The following PSD2 variants were observed in gnomAD, a reference collection of about 807,000 sequenced individuals.
The protein encoded by PSD2 is PH and SEC7 domain-containing protein 2.
Under a neutral mutation model 69.8 loss-of-function variants are expected in PSD2, and 38 were observed. The ratio of observed to expected loss-of-function variants is 0.54; its 90% CI spans 0.42 to 0.71. The LOEUF (loss-of-function observed/expected upper bound fraction) is 0.71, where lower values mean the gene tolerates loss of function less well. Ranked by LOEUF, PSD2 falls within the 30% of genes least tolerant of loss-of-function variation. PSD2 has a pLI of 0.00. For synonymous variants in PSD2, 412 were observed against 423.0 expected, an observed-to-expected ratio of 0.97 and a Z score of 0.32; for missense variants, 943 against 1,014.5, an observed-to-expected ratio of 0.93 and a Z score of 0.96.
chr5:139,780,480 A>G, the PSD2 span, among the ~76,000 whole-genome samples: 4 of 151,870 alleles, frequency 2.6e-5, no homozygotes, highest in Non-Finnish European at 4.4e-5. Context: ...GTCTCGCTCT[A>G]TTGCCCAGGC....
chr5:139,828,250 C>A (rs113236067), intron 7 of PSD2, among the ~76,000 whole-genome samples: 1 of 145,696 alleles, frequency 6.9e-6, no homozygotes, highest in African/African-American at 2.6e-5. Flanking sequence ...CTGGGGTAAG[C>A]GGGGGAGAAC....
intron 1 of PSD2, among the ~76,000 whole-genome samples, chr5:139,799,958 G>A (rs1441073954): frequency 6.6e-6 from 1 of 152,140 alleles, no homozygotes; most frequent in Non-Finnish European, 1.5e-5. Flanking sequence ...TGGTGTGTGG[G>A]AAGCTCATTT....
chr5:139,788,576 A>T, the PSD2 span, among the ~76,000 whole-genome samples: 4 of 152,190 alleles, frequency 2.6e-5, no homozygotes, highest in Non-Finnish European at 5.9e-5. Flanking sequence ...CTGGACGGCC[A>T]GCTGGACCTC....
chr5:139,807,048 C>T (rs958391416), intron 1 of PSD2, among the ~76,000 whole-genome samples: 5 of 152,168 alleles, frequency 3.3e-5, no homozygotes, highest in African/African-American at 1.2e-4. Flanking sequence ...GGAGGGGCTC[C>T]CAAGAGGTCC....
the PSD2 span, among the ~76,000 whole-genome samples, chr5:139,751,489 C>A: frequency 6.6e-6 from 1 of 152,180 alleles, no homozygotes. Flanking sequence ...TCAAGTGTGA[C>A]CAACTGGGAA....
chr5:139,835,601 A>C, intron 8 of PSD2, 122 bp from the exon 9 acceptor site: 1 of 940,332 alleles, frequency 1.1e-6, no homozygotes, highest in Non-Finnish European at 1.7e-6. Flanking sequence ...TATGAATCAA[A>C]CACCCACTTT....
At chr5:139,801,204 CA>C (rs56715764) in intron 1 of PSD2, among the ~76,000 whole-genome samples, 37,644 of 126,868 alleles carry the variant, frequency 0.3, 5,086 homozygotes, top group African/African-American at 0.41. Flanking sequence ...GACTCCATCT[CA>C]AAAAAAAAAA....
chr5:139,759,793 A>G, the PSD2 span, among the ~76,000 whole-genome samples: 6 of 152,224 alleles, frequency 3.9e-5, no homozygotes, highest in East Asian at 1.2e-3. Context: ...CTGTGTGCCC[A>G]TGGGTGGGGA....
At chr5:139,811,873 G>A (rs1384597793) in intron 2 of PSD2, among the ~76,000 whole-genome samples, 23 of 151,988 alleles carry the variant, frequency 1.5e-4, no homozygotes, top group Admixed American at 1.3e-3. Context: ...GATTACAGCC[G>A]TGAGCCACCG....
intron 1 of PSD2, among the ~76,000 whole-genome samples, chr5:139,797,241 G>C (rs1261441675): frequency 2.0e-5 from 3 of 152,234 alleles, no homozygotes. Flanking sequence ...GGGAAGCAGG[G>C]AACAGGGGCT....
the PSD2 span, among the ~76,000 whole-genome samples, chr5:139,788,140 C>T: frequency 2.0e-4 from 31 of 152,100 alleles, no homozygotes; most frequent in East Asian, 1.4e-3. Context: ...AATTCTGCGT[C>T]TGGCCAGCAG....
At chr5:139,768,552 C>T in the PSD2 span, among the ~76,000 whole-genome samples, 2 of 151,934 alleles carry the variant, frequency 1.3e-5, no homozygotes, top group Non-Finnish European at 1.5e-5. Flanking sequence ...GAGAAACCCC[C>T]GTCTCTACTA....
At chr5:139,780,797 T>C in the PSD2 span, among the ~76,000 whole-genome samples, 1 of 152,194 alleles carries the variant, frequency 6.6e-6, no homozygotes, top group Non-Finnish European at 1.5e-5. Context: ...GCCAGTCCTG[T>C]TAATGATGAG....
At position 139,814,307 on chromosome 5, in the gene PSD2, G is replaced by A. The variant is rs751880282; in HGVS notation, c.959G>A (p.Arg320His). 53 of 1,613,024 alleles carry A rather than the reference G, an allele frequency of 3.3e-5. No homozygotes were observed. The Middle Eastern group carries it at 5.0e-4, about 15-fold the overall frequency. ...VSEAAHRLAR[R>H]LYHLEGFQRC... ...GAAGCTGCTCATCGGCTGGCACGCCGTCTCTACCACCTCGAGGGCTTCCAG... is the reference window on the plus strand; with the variant it reads ...GAAGCTGCTCATCGGCTGGCACGCCATCTCTACCACCTCGAGGGCTTCCAG... Residue 320 changes from arginine to histidine, a missense_variant, in exon 4 of 15, where the codon CGT (arginine) becomes CAT (histidine). By Grantham distance (29) the Arg-to-His change is conservative (BLOSUM62 0). Coordinates refer to ENST00000274710, the MANE Select transcript of PSD2 (RefSeq NM_032289.4). The surrounding 1 kb of genome is among the most constrained non-coding windows in gnomAD (Gnocchi z 4.4).
At chr5:139,811,355 G>A (rs1759955576) in intron 2 of PSD2, among the ~76,000 whole-genome samples, 1 of 152,190 alleles carries the variant, frequency 6.6e-6, no homozygotes, top group Non-Finnish European at 1.5e-5. Flanking sequence ...AGATGTTCGA[G>A]GGGAAGGGGC....
intron 1 of PSD2, among the ~76,000 whole-genome samples, chr5:139,800,178 A>G (rs1475038122): frequency 6.6e-6 from 1 of 152,114 alleles, no homozygotes; most frequent in Non-Finnish European, 1.5e-5. Flanking sequence ...CAATTCCCTT[A>G]CCTCATTTTG....
the PSD2 span, among the ~76,000 whole-genome samples, chr5:139,744,046 C>T: frequency 6.6e-6 from 1 of 152,160 alleles, no homozygotes; most frequent in South Asian, 2.1e-4. Flanking sequence ...GCATTATCCA[C>T]CCCAAATCCT....
intron 7 of PSD2, among the ~76,000 whole-genome samples, chr5:139,829,420 T>C (rs775321491): frequency 6.6e-6 from 1 of 152,250 alleles, no homozygotes. Flanking sequence ...TGTGCAATCG[T>C]TGCCACTGTC....
At chr5:139,807,051 A>G (rs1303788164) in intron 1 of PSD2, among the ~76,000 whole-genome samples, 1 of 152,220 alleles carries the variant, frequency 6.6e-6, no homozygotes, top group Non-Finnish European at 1.5e-5. Context: ...GGGGCTCCCA[A>G]GAGGTCCTCA....
Sources: allele counts gnomAD v4.1 joint callset (sites outside exome capture counted in the v4.1 genomes callset), GRCh38; gene constraint gnomAD v4.1.1; non-coding constraint Gnocchi (gnomAD v3.1); transcripts MANE v1.5; gene names NCBI Gene and HGNC (gene_info 2026-07-23, HGNC 2026-07-21).